BCKDHB: variants seen among roughly 807,000 people sequenced by gnomAD.
BCKDHB encodes the protein 2-oxoisovalerate dehydrogenase subunit beta, mitochondrial.
Under a neutral mutation model 48.5 loss-of-function variants are expected in BCKDHB, and 41 were observed. The ratio of observed to expected loss-of-function variants is 0.85; its 90% CI spans 0.66 to 1.10. BCKDHB has a LOEUF of 1.10. Ranked by LOEUF, BCKDHB falls within the 50% of genes least tolerant of loss-of-function variation. BCKDHB has a pLI of 0.00. For missense variants in BCKDHB, 496 were observed against 494.2 expected, an observed-to-expected ratio of 1.00 and a Z score of -0.03; for synonymous variants, 201 against 174.8, an observed-to-expected ratio of 1.15 and a Z score of -1.18.
intron 3 of BCKDHB, among the ~76,000 whole-genome samples, chr6:80,140,809 C>A (rs1237798984): frequency 6.6e-6 from 1 of 152,142 alleles, no homozygotes; most frequent in Non-Finnish European, 1.5e-5. Context: ...CAGGATGTTG[C>A]TGGCCTCATA....
At chr6:80,348,955 G>C (rs73467553), downstream of BCKDHB, among the ~76,000 whole-genome samples, 714 of 152,310 alleles carry the variant, frequency 4.7e-3, 3 homozygotes, top group African/African-American at 0.017. Flanking sequence ...TAACAAGAAT[G>C]AGGACATCAT....
chr6:80,305,418 A>G (rs1474387561), intron 9 of BCKDHB, among the ~76,000 whole-genome samples: 2 of 151,344 alleles, frequency 1.3e-5, no homozygotes, highest in Non-Finnish European at 2.9e-5. Context: ...TTTTTGAAAA[A>G]TTATGACTTA....
chr6:80,147,255 C>T (rs1771533637), intron 3 of BCKDHB, among the ~76,000 whole-genome samples: 1 of 152,122 alleles, frequency 6.6e-6, no homozygotes, highest in Non-Finnish European at 1.5e-5. Flanking sequence ...CCTGAGACCT[C>T]ATCTTTCTGT....
chr6:80,233,339 A>T (rs569164626), intron 8 of BCKDHB, among the ~76,000 whole-genome samples: 1 of 152,304 alleles, frequency 6.6e-6, no homozygotes, highest in East Asian at 1.9e-4. Flanking sequence ...GCCTTTCTCA[A>T]ATCATTTTAG....
At chr6:80,251,257 C>T (rs1375864549) in intron 8 of BCKDHB, among the ~76,000 whole-genome samples, 2 of 152,054 alleles carry the variant, frequency 1.3e-5, no homozygotes, top group Non-Finnish European at 1.5e-5. Context: ...TCTAAATAGC[C>T]GTGGGAATGT....
At chr6:80,383,934 AATG>A in the BCKDHB span, among the ~76,000 whole-genome samples, 2 of 152,192 alleles carry the variant, frequency 1.3e-5, no homozygotes, top group Non-Finnish European at 2.9e-5. Context: ...TTATTGAGAA[AATG>A]ATATTTTATC....
the BCKDHB span, among the ~76,000 whole-genome samples, chr6:80,444,434 T>C: frequency 6.6e-6 from 1 of 152,218 alleles, no homozygotes; most frequent in South Asian, 2.1e-4. Context: ...ATTTAACCTG[T>C]AGTTCTGGTT....
intron 8 of BCKDHB, among the ~76,000 whole-genome samples, chr6:80,203,456 C>T (rs1774494445): frequency 6.6e-6 from 1 of 151,988 alleles, no homozygotes; most frequent in African/African-American, 2.4e-5. Flanking sequence ...AAATGGGGTC[C>T]TTTATGCAGT....
intron 8 of BCKDHB, among the ~76,000 whole-genome samples, chr6:80,228,576 A>G (rs612208): frequency 0.92 from 139,533 of 152,270 alleles, 64,029 homozygotes; most frequent in East Asian, 0.99. Flanking sequence ...GAGGATGAAT[A>G]TGGGTGTTGA....
At chr6:80,349,255 C>T (rs4467742), downstream of BCKDHB, among the ~76,000 whole-genome samples, 2 of 152,188 alleles carry the variant, frequency 1.3e-5, no homozygotes, top group Non-Finnish European at 2.9e-5. Flanking sequence ...AACTTAACCA[C>T]TAATAGAACT....
intron 8 of BCKDHB, among the ~76,000 whole-genome samples, chr6:80,262,498 G>A (rs1777348865): frequency 6.6e-6 from 1 of 151,960 alleles, no homozygotes; most frequent in South Asian, 2.1e-4. Flanking sequence ...AGTAGCTTTT[G>A]GCAAATATAT....
intron 9 of BCKDHB, among the ~76,000 whole-genome samples, chr6:80,327,743 CT>C (rs1445405521): frequency 6.6e-6 from 1 of 152,144 alleles, no homozygotes; most frequent in Non-Finnish European, 1.5e-5. Flanking sequence ...ATATGGCCAG[CT>C]TTTATGTACT....
chr6:80,127,443 T>C (rs1279357091), intron 1 of BCKDHB, 104 bp from the exon 2 acceptor site: 34 of 921,630 alleles, frequency 3.7e-5, no homozygotes, highest in Non-Finnish European at 4.6e-5. Flanking sequence ...ATAATATCTT[T>C]CTTTGTACCT....
At chr6:80,117,570 C>T (rs924446501) in intron 1 of BCKDHB, among the ~76,000 whole-genome samples, 5 of 152,220 alleles carry the variant, frequency 3.3e-5, no homozygotes, top group South Asian at 2.1e-4. Context: ...ATGACACCCA[C>T]GCTGCAAAGT....
At chr6:80,351,976 C>T in the BCKDHB span, among the ~76,000 whole-genome samples, 2 of 151,906 alleles carry the variant, frequency 1.3e-5, no homozygotes, top group Non-Finnish European at 2.9e-5. Flanking sequence ...CATGTGCCAC[C>T]ACGCCCGACT....
At chr6:80,231,502 A>G (rs1775923127) in intron 8 of BCKDHB, among the ~76,000 whole-genome samples, 1 of 152,202 alleles carries the variant, frequency 6.6e-6, no homozygotes, top group African/African-American at 2.4e-5. Flanking sequence ...ATGACCTAGT[A>G]AAAACAGGGC....
At chr6:80,340,905 A>T (rs1041434115) in intron 9 of BCKDHB, among the ~76,000 whole-genome samples, 1 of 152,244 alleles carries the variant, frequency 6.6e-6, no homozygotes, top group Admixed American at 6.5e-5. Context: ...ATACTCACAC[A>T]TAAATTATTT....
chr6:80,299,655 C>T (rs1355908844), intron 9 of BCKDHB, among the ~76,000 whole-genome samples: 4 of 152,176 alleles, frequency 2.6e-5, no homozygotes, highest in Non-Finnish European at 5.9e-5. Flanking sequence ...CTCAGACAAG[C>T]AATTGTTGAG....
intron 1 of BCKDHB, among the ~76,000 whole-genome samples, chr6:80,126,753 A>C (rs1455187335): frequency 6.6e-6 from 1 of 151,902 alleles, no homozygotes; most frequent in Admixed American, 6.6e-5. Flanking sequence ...CGAAGCTCTA[A>C]TGTCATGATG....
Sources: allele counts gnomAD v4.1 joint callset (sites outside exome capture counted in the v4.1 genomes callset), GRCh38; gene constraint gnomAD v4.1.1; transcripts MANE v1.5; gene names NCBI Gene and HGNC (gene_info 2026-07-23, HGNC 2026-07-21).